The following MRC1 variants were observed in gnomAD, a reference collection of about 807,000 sequenced individuals.
MRC1 encodes the protein macrophage mannose receptor 1.
MRC1 carries 62 observed loss-of-function variants against 102.9 expected under a neutral mutation model. That is an observed-to-expected ratio of 0.60 (90% CI 0.49 to 0.74). The LOEUF (loss-of-function observed/expected upper bound fraction) is 0.74. MRC1 is among the 30% of genes least tolerant of loss of function. The pLI, the probability that MRC1 is intolerant of heterozygous loss-of-function variation, is 0.00. For missense variants in MRC1, 1,237 were observed against 862.8 expected, an observed-to-expected ratio of 1.43 and a Z score of -5.43; for synonymous variants, 457 against 298.4, an observed-to-expected ratio of 1.53 and a Z score of -5.48.
chr10:17,890,712 A>G (rs1205977074), intron 22 of MRC1, among the ~76,000 whole-genome samples: 7 of 152,128 alleles, frequency 4.6e-5, no homozygotes, highest in African/African-American at 1.7e-4. Context: ...AAAATCTTTT[A>G]GTGTGTCTTA....
At chr10:17,906,303 T>TG (rs1282829093) in intron 26 of MRC1, among the ~76,000 whole-genome samples, 2 of 151,686 alleles carry the variant, frequency 1.3e-5, no homozygotes, top group East Asian at 3.9e-4. Flanking sequence ...CATGTCTTTT[T>TG]TTTTTTTTTT....
intron 8 of MRC1, chr10:17,854,737 G>A: frequency 4.3e-6 from 1 of 230,162 alleles, no homozygotes; most frequent in Non-Finnish European, 8.7e-6. Context: ...TGCCCAGGCT[G>A]GAGTGCAATG....
In MRC1 at chr10:17,870,927, G is replaced by C. The variant is rs1833346834; in HGVS notation, c.2191G>C (p.Gly731Arg). 8 of 872,088 alleles carry C rather than the reference G, an allele frequency of 9.2e-6. No individual in the cohort carries two copies. The highest frequency in any genetic ancestry group is 1.6e-5 in the Non-Finnish European group (8 of 501,144). 54.0% of individuals were successfully genotyped at this position (872,088 alleles called of 1,614,324 possible). A position where few individuals can be genotyped will look rare whatever the true frequency, so the allele number is the denominator to read the frequency against. The part of the protein sequence containing the change: ...SPSEGFTWSD[G>R]SPVSYENWAY... Reference sequence around the variant, plus strand: ...TTCAGAAGGTTTTACTTGGAGTGATGGTTCTCCTGTGAGTAATTTTACTTA... The same window carrying C: ...TTCAGAAGGTTTTACTTGGAGTGATCGTTCTCCTGTGAGTAATTTTACTTA... Residue 731 changes from glycine to arginine, a missense_variant, in exon 14 of 30, where the codon GGT (glycine) becomes CGT (arginine). Gly to Arg is a moderately radical substitution (Grantham distance 125). Transcript: ENST00000569591.
At chr10:17,853,888 C>T (rs1415344347) in intron 8 of MRC1, among the ~76,000 whole-genome samples, 1 of 152,056 alleles carries the variant, frequency 6.6e-6, no homozygotes, top group East Asian at 1.9e-4. Context: ...GTGACTGACT[C>T]CTTTATTTGC....
intron 8 of MRC1, among the ~76,000 whole-genome samples, chr10:17,855,876 A>C (rs1833082238): frequency 6.6e-6 from 1 of 152,118 alleles, no homozygotes; most frequent in East Asian, 1.9e-4. Context: ...ATAACATCAA[A>C]GTCCAAAATT....
In MRC1 at chr10:17,879,761, A is replaced by G. The variant is rs1833487951; in HGVS notation, c.2659A>G (p.Thr887Ala). ...CAAAGTGGATTACGTGTCTTGGGCC[A>G]CAGGTGAACCCAATTTTGCAAATGA... ...GSKVDYVSWA[T>A]GEPNFANEDE... is the part of the protein sequence containing the mutation. Residue 887 changes from threonine (T) to alanine (A), a missense_variant, in exon 19 of 30, where the codon ACA (threonine) becomes GCA (alanine). Physicochemically the swap from Thr to Ala is moderately conservative, Grantham distance 58. Transcript: ENST00000569591. The G allele has an allele frequency of 1.3e-6, 1 of 780,772 alleles. No individual in the cohort carries two copies. Among genetic ancestry groups the G allele is most frequent in the Non-Finnish European group, 2.4e-6 (1 of 417,966 alleles). 48.4% of individuals were successfully genotyped at this position (780,772 alleles called of 1,614,324 possible).
At chr10:17,877,197 T>C (rs1403340082) in intron 17 of MRC1, among the ~76,000 whole-genome samples, 1 of 148,698 alleles carries the variant, frequency 6.7e-6, no homozygotes, top group Non-Finnish European at 1.5e-5. Context: ...CTCCCAAGTT[T>C]GAAGAACAGA....
At chr10:17,858,549 A>G (rs1314090271) in intron 9 of MRC1, among the ~76,000 whole-genome samples, 2 of 152,134 alleles carry the variant, frequency 1.3e-5, no homozygotes, top group Non-Finnish European at 2.9e-5. Flanking sequence ...GTGCAGTGGC[A>G]TGATATTAGC....
intron 1 of MRC1, among the ~76,000 whole-genome samples, chr10:17,813,221 C>T (rs1203665542): frequency 1.3e-5 from 2 of 152,088 alleles, no homozygotes; most frequent in African/African-American, 4.8e-5. Flanking sequence ...TTTCTTGCTG[C>T]GCTGTTAGAT....
chr10:17,871,556 A>C (rs1363650507), intron 14 of MRC1, among the ~76,000 whole-genome samples: 1 of 152,172 alleles, frequency 6.6e-6, no homozygotes, highest in African/African-American at 2.4e-5. Context: ...AAGAAGAATA[A>C]ATTGTATTGC....
rs1382471514 is a variant in MRC1, at chr10:17,894,322, A to G, written c.3250+10A>G. ...TGCCAGACACGATCCGGTAAGTTCT[A>G]CCAAACCTTACCTTCCTGAAAGAGC... On this transcript the variant is annotated intron_variant, in intron 23 of 29. Transcript: ENST00000569591. The G allele has an allele frequency of 8.0e-6, 7 of 870,708 alleles. No individual in the cohort carries two copies. Among genetic ancestry groups the G allele is most frequent in the Non-Finnish European group, 1.4e-5 (7 of 500,592 alleles). 53.9% of individuals were successfully genotyped at this position (870,708 alleles called of 1,614,324 possible).
At position 17,885,328 on chromosome 10, in the gene MRC1, G is replaced by A; in HGVS notation, c.3040G>A (p.Val1014Ile). The A allele has an allele frequency of 1.3e-6, 1 of 780,874 alleles. No homozygotes were observed. The allele number at this position is 780,874 out of a possible 1,614,324, so 48.4% of individuals were successfully genotyped here. Residue 1014 changes from valine (V) to isoleucine (I), a missense_variant, in exon 22 of 30, where the codon GTC becomes ATC. By Grantham distance (29) the Val-to-Ile change is conservative. Coordinates refer to ENST00000569591, the MANE Select transcript of MRC1 (RefSeq NM_002438.4). ...CAGTGCCTGGACTGGGCTGAATGATGTCAATTCAGAACACACGTTCCTTTG... is the reference window on the plus strand; with the variant it reads ...CAGTGCCTGGACTGGGCTGAATGATATCAATTCAGAACACACGTTCCTTTG... ...TFSAWTGLND[V>I]NSEHTFLWTD...
intron 22 of MRC1, among the ~76,000 whole-genome samples, chr10:17,891,446 G>A (rs895399520): frequency 8.5e-5 from 13 of 152,078 alleles, no homozygotes; most frequent in African/African-American, 2.9e-4. Context: ...GATTACAGGC[G>A]TGAGCCATTG....
At chr10:17,877,320 G>A (rs901669215) in intron 17 of MRC1, among the ~76,000 whole-genome samples, 12 of 147,582 alleles carry the variant, frequency 8.1e-5, no homozygotes, top group Non-Finnish European at 1.3e-4. Flanking sequence ...TATGATATAT[G>A]TAAAATATAT....
At chr10:17,860,323 G>A (rs2130659156) in intron 9 of MRC1, among the ~76,000 whole-genome samples, 1 of 150,680 alleles carries the variant, frequency 6.6e-6, no homozygotes. Context: ...TCAGGCTCGA[G>A]TGTAGTGGTG....
chr10:17,908,237 T>C (rs1426483874), intron 28 of MRC1, among the ~76,000 whole-genome samples: 3 of 152,210 alleles, frequency 2.0e-5, no homozygotes, highest in African/African-American at 4.8e-5. Flanking sequence ...TCACATAATA[T>C]CCCTCCCAAT....
chr10:17,903,400 T>TC (rs1833856210), intron 26 of MRC1, among the ~76,000 whole-genome samples: 1 of 137,956 alleles, frequency 7.2e-6, no homozygotes, highest in African/African-American at 2.7e-5. Context: ...TTCTTTTTTT[T>TC]TTTTTTTTTT....
At chr10:17,846,709 C>T (rs692440) in intron 6 of MRC1, among the ~76,000 whole-genome samples, 44,001 of 151,720 alleles carry the variant, frequency 0.29, 7,729 homozygotes, top group Admixed American at 0.41. Context: ...CCTAAGTTTT[C>T]CACTTAACAA....
At chr10:17,894,410 T>G in intron 23 of MRC1, 98 bp downstream of exon 23, 1 of 693,446 alleles carries the variant, frequency 1.4e-6, no homozygotes, top group Non-Finnish European at 2.5e-6. Context: ...TTTTTTTTTT[T>G]TTTTTTTGAG....
Sources: gnomAD v4.1 joint callset for allele counts (sites outside exome capture counted in the v4.1 genomes callset) on GRCh38, gnomAD v4.1.1 for gene constraint, MANE v1.5 for transcripts, NCBI Gene and HGNC (gene_info 2026-07-23, HGNC 2026-07-21) for gene names.